The following POLR1A variants were observed in gnomAD, a reference collection of about 807,000 sequenced individuals.
POLR1A encodes the protein DNA-directed RNA polymerase I subunit RPA1.
A neutral mutation model predicts 205.3 loss-of-function variants in POLR1A; 84 were observed. That is an observed-to-expected ratio of 0.41 (90% CI 0.34 to 0.49). The LOEUF (loss-of-function observed/expected upper bound fraction) is 0.49, where lower values mean the gene tolerates loss of function less well. Ranked by LOEUF, POLR1A falls within the 20% of genes least tolerant of loss-of-function variation. The pLI is 0.22. For synonymous variants in POLR1A, 799 were observed against 863.7 expected (o/e 0.93, Z 1.31); for missense variants, 1,645 against 2,204.5 (o/e 0.75, Z 5.08).
intron 6 of POLR1A, among the ~76,000 whole-genome samples, chr2:86,084,505 C>CT (rs563596535): frequency 3.3e-5 from 5 of 152,046 alleles, no homozygotes; most frequent in Non-Finnish European, 7.4e-5. Context: ...CTCAATGTTC[C>CT]TTTTTTATTC....
At position 86,023,475 on chromosome 2, in the gene POLR1A, C is replaced by T. The variant is rs1327044048; in HGVS notation, c.*3948G>A. ...CACTCCTTAAGTGGTTCCTAACTCT[C>T]CCCAGGTGCAGAACACTTAAGGGTC... On this transcript the variant is annotated 3_prime_UTR_variant, in exon 34 of 34. Coordinates refer to ENST00000263857, the MANE Select transcript of POLR1A (RefSeq NM_015425.6). 1 of 152,184 alleles carries T rather than the reference C, an allele frequency of 6.6e-6. No individual in the cohort carries two copies. The highest frequency in any genetic ancestry group is 1.9e-4 in the East Asian group (1 of 5,192). The allele number at this position is 152,184 out of a possible 1,614,324, so 9.4% of individuals were successfully genotyped here. A position where few individuals can be genotyped will look rare whatever the true frequency, so the allele number is the denominator to read the frequency against.
chr2:86,075,569 C>T (rs1023600582), intron 11 of POLR1A, among the ~76,000 whole-genome samples: 5 of 152,220 alleles, frequency 3.3e-5, no homozygotes, highest in South Asian at 2.1e-4. Context: ...AGTGCAATGG[C>T]GCGATCTCGG....
chr2:86,104,048 G>C (rs1334674930), intron 1 of POLR1A, among the ~76,000 whole-genome samples: 3 of 152,216 alleles, frequency 2.0e-5, no homozygotes, highest in Non-Finnish European at 4.4e-5. Flanking sequence ...GATCATGGGA[G>C]ACTTTGCAGG....
intron 14 of POLR1A, among the ~76,000 whole-genome samples, chr2:86,063,085 C>T (rs774730858): frequency 5.3e-5 from 8 of 152,226 alleles, no homozygotes; most frequent in Non-Finnish European, 8.8e-5. Context: ...CCTGTAGTCC[C>T]AGCACTTTGG....
rs1221459926 is a variant in POLR1A at position 86,048,980 on chromosome 2, C to A, written c.2538G>T (p.Trp846Cys). 1 of 1,614,054 alleles carries A rather than the reference C, an allele frequency of 6.2e-7. No homozygotes were observed. Among genetic ancestry groups the A allele is most frequent in the Non-Finnish European group, 8.5e-7 (1 of 1,179,980 alleles). Reference sequence around the variant, plus strand: ...GGTCCTTGCCCAGATGGGCATCCTGCCATTTTCCTCGGACCTCATCATATG... The same window carrying A: ...GGTCCTTGCCCAGATGGGCATCCTGACATTTTCCTCGGACCTCATCATATG... ...AASYDEVRGKWQDAHLGKDQR... is the reference protein window; with the variant it reads ...AASYDEVRGKCQDAHLGKDQR... The change falls in exon 18 of 34, where the codon TGG (tryptophan) becomes TGT (cysteine). Residue 846 changes from tryptophan (W) to cysteine (C), a missense_variant. Trp to Cys is a radical substitution (Grantham distance 215). Around this residue, in one of 16 missense-constraint regions of POLR1A, gnomAD observed 339 missense variants for 415.1 expected, o/e 0.82. Coordinates refer to ENST00000263857, the MANE Select transcript of POLR1A (RefSeq NM_015425.6).
At chr2:86,030,174 GC>G (rs1488262113) in intron 31 of POLR1A, 21 bp downstream of exon 31, 1 of 1,599,846 alleles carries the variant, frequency 6.3e-7, no homozygotes, top group African/African-American at 1.3e-5. Context: ...TTTGTCCCAG[GC>G]CAGCAGACAG....
At chr2:86,064,319 G>C (rs1673049243) in intron 14 of POLR1A, among the ~76,000 whole-genome samples, 1 of 152,204 alleles carries the variant, frequency 6.6e-6, no homozygotes, top group Admixed American at 6.5e-5. Flanking sequence ...ATGAGGAACT[G>C]AGACACACAG....
At chr2:86,036,252 C>T (rs1672494337) in intron 27 of POLR1A, among the ~76,000 whole-genome samples, 1 of 152,180 alleles carries the variant, frequency 6.6e-6, no homozygotes, top group Non-Finnish European at 1.5e-5. Flanking sequence ...GACCGGAGGC[C>T]AAAACTTACA....
intron 3 of POLR1A, among the ~76,000 whole-genome samples, chr2:86,091,229 C>A (rs538925437): frequency 2.2e-4 from 34 of 152,242 alleles, no homozygotes; most frequent in African/African-American, 8.2e-4. Context: ...GAGAAGGCAG[C>A]GTCATCCTAG....
chr2:86,069,128 T>C (rs1194613754), intron 13 of POLR1A, among the ~76,000 whole-genome samples: 1 of 152,252 alleles, frequency 6.6e-6, no homozygotes, highest in Non-Finnish European at 1.5e-5. Flanking sequence ...GAGGAGCCTC[T>C]AAAGTGCTCT....
At position 86,024,772 on chromosome 2, in the gene POLR1A, T is replaced by A. The variant is rs1398284215; in HGVS notation, c.*2651A>T. The A allele has an allele frequency of 6.6e-6, 1 of 152,158 alleles. No individual in the cohort carries two copies. The highest frequency in any genetic ancestry group is 2.4e-5 in the African/African-American group (1 of 41,418). 9.4% of individuals were successfully genotyped at this position (152,158 alleles called of 1,614,324 possible). On this transcript the variant is annotated 3_prime_UTR_variant, in exon 34 of 34. Transcript: ENST00000263857. Reference sequence around the variant, plus strand: ...AGAAGCAAGCAAGTAGGTATGGATATCACCCCAAAGGGCAAGGTGAGAAGG... The same window carrying A: ...AGAAGCAAGCAAGTAGGTATGGATAACACCCCAAAGGGCAAGGTGAGAAGG...
chr2:86,078,402 C>T (rs1673336086), intron 9 of POLR1A, 118 bp from the exon 10 acceptor site: 1 of 712,298 alleles, frequency 1.4e-6, no homozygotes, highest in African/African-American at 1.8e-5. Context: ...AGTTTATCTC[C>T]TCTGAACCTG....
intron 3 of POLR1A, among the ~76,000 whole-genome samples, chr2:86,093,893 G>A (rs1276963037): frequency 6.6e-6 from 1 of 152,166 alleles, no homozygotes; most frequent in African/African-American, 2.4e-5. Context: ...ACACTTTTTA[G>A]TCTCCTTTGT....
intron 26 of POLR1A, 146 bp downstream of exon 26, chr2:86,039,180 TC>T (rs1672553926): frequency 3.5e-6 from 3 of 865,730 alleles, no homozygotes; most frequent in Non-Finnish European, 5.4e-6. Flanking sequence ...CCATCTCTGC[TC>T]AGCACCTGGC....
At chr2:86,044,002 T>C in intron 22 of POLR1A, 137 bp downstream of exon 22, 5 of 717,720 alleles carry the variant, frequency 7.0e-6, no homozygotes, top group Non-Finnish European at 9.3e-6. Flanking sequence ...CACTGACCGG[T>C]GTCTTATAAA....
chr2:86,101,032 T>C (rs1032997981), intron 1 of POLR1A, among the ~76,000 whole-genome samples: 1 of 152,182 alleles, frequency 6.6e-6, no homozygotes, highest in Non-Finnish European at 1.5e-5. Flanking sequence ...GGGAATGTGA[T>C]GCAACAATCC....
At position 86,088,784 on chromosome 2, in the gene POLR1A, C is replaced by T. The variant is rs1261526464; in HGVS notation, c.626+1G>A. The T allele has an allele frequency of 1.2e-6, 2 of 1,613,390 alleles. No homozygotes were observed. Among genetic ancestry groups the T allele is most frequent in the Non-Finnish European group, 1.7e-6 (2 of 1,179,304 alleles). ...CCTGGCGCAAGGGCCCTGATACTTA[C>T]TTGCAGTGGGGACAGCGCTTAGCAT... On this transcript the variant is annotated splice_donor_variant, in intron 5 of 33. Coordinates refer to ENST00000263857, the MANE Select transcript of POLR1A (RefSeq NM_015425.6). LOFTEE classifies it high-confidence loss of function.
intron 27 of POLR1A, 58 bp from the exon 28 acceptor site, chr2:86,033,845 C>A: frequency 1.3e-6 from 2 of 1,597,314 alleles, no homozygotes; most frequent in Non-Finnish European, 1.7e-6. Flanking sequence ...CAGCCCTACC[C>A]TCATTTGGGG....
chr2:86,028,460 C>A lies in POLR1A; in HGVS notation c.4897+134G>T. The A allele has an allele frequency of 1.4e-6, 1 of 709,442 alleles. No individual in the cohort carries two copies. The highest frequency in any genetic ancestry group is 1.9e-5 in the Admixed American group (1 of 52,434). 43.9% of individuals were successfully genotyped at this position (709,442 alleles called of 1,614,324 possible). ...GTCTCCTACAGGTGCACTCACTGCACGCATGCTGCAGTGCCTGCCTTAGTG... is the reference window on the plus strand; with the variant it reads ...GTCTCCTACAGGTGCACTCACTGCAAGCATGCTGCAGTGCCTGCCTTAGTG... On this transcript the variant is annotated intron_variant, in intron 32 of 33. Transcript: ENST00000263857. This position sits in a 1 kb window ranked among gnomAD's most constrained non-coding sequence, Gnocchi z 4.5.
Sources: allele counts gnomAD v4.1 joint callset (sites outside exome capture counted in the v4.1 genomes callset), GRCh38; gene constraint gnomAD v4.1.1; regional missense constraint gnomAD v4.1.1; non-coding constraint Gnocchi (gnomAD v3.1); transcripts MANE v1.5; gene names NCBI Gene and HGNC (gene_info 2026-07-23, HGNC 2026-07-21).